HJURP: variants seen among roughly 807,000 people sequenced by gnomAD.
The protein encoded by HJURP is 14-3-3-associated AKT substrate.
A neutral mutation model predicts 72.0 loss-of-function variants in HJURP; 49 were observed. The ratio of observed to expected loss-of-function variants is 0.68; its 90% CI spans 0.54 to 0.86. HJURP has a LOEUF of 0.86. Ranked by LOEUF, HJURP falls within the 40% of genes least tolerant of loss-of-function variation. The probability of loss-of-function intolerance (pLI) is 0.00; values close to 1 mark genes in which losing one functional copy is unlikely to be tolerated. For missense variants in HJURP, 908 were observed against 936.3 expected, an observed-to-expected ratio of 0.97 and a Z score of 0.39; for synonymous variants, 357 against 347.1, an observed-to-expected ratio of 1.03 and a Z score of -0.32.
chr2:233,847,339 G>T, intron 5 of HJURP, 58 bp downstream of exon 5: 1 of 1,349,080 alleles, frequency 7.4e-7, no homozygotes, highest in Non-Finnish European at 1.1e-6. Context: ...GGGCTTTGAT[G>T]GACCCCTGAG....
intron 8 of HJURP, among the ~76,000 whole-genome samples, chr2:233,839,923 TG>T (rs925189190): frequency 6.6e-6 from 1 of 152,190 alleles, no homozygotes; most frequent in African/African-American, 2.4e-5. Flanking sequence ...AGATCCTGAC[TG>T]TGGACACACA....
In HJURP at chr2:233,845,824, A is replaced by T. The variant is rs1422663732; in HGVS notation, c.403-4T>A. On this transcript the variant is annotated splice_region_variant and splice_polypyrimidine_tract_variant and intron_variant, in intron 5 of 8. Coordinates refer to ENST00000411486, the MANE Select transcript of HJURP (RefSeq NM_018410.5). ...AAGGGCTTTGAGGCACTGCAGGCTG[A>T]TCAAAAAAGAGAAGTCAGAATTTTT... 1.2e-6 allele frequency: 2 copies of T among 1,603,498 alleles called. No homozygotes were observed. Among genetic ancestry groups the T allele is most frequent in the Admixed American group, 1.7e-5 (1 of 58,576 alleles).
Position 233,840,614 on chromosome 2 carries a change from T to C in HJURP, c.2166A>G (p.Glu722=). The C allele has an allele frequency of 6.3e-7, 1 of 1,586,096 alleles. No homozygotes were observed. The highest frequency in any genetic ancestry group is 8.5e-7 in the Non-Finnish European group (1 of 1,170,344). The change falls in exon 8 of 9, where the codon GAA becomes GAG. Residue 722 remains glutamate, a synonymous_variant. Coordinates refer to ENST00000411486, the MANE Select transcript of HJURP (RefSeq NM_018410.5). The part of the protein sequence containing the change: ...DQGSSSQPNS[E]ERGENTSYRM... ...ACCAACAGAAACACACCTACCTCTC[T>C]TCTGAGTTGGGCTGTGAAGAGCTGC...
chr2:233,845,753 A>G lies in HJURP; in HGVS notation c.470T>C (p.Leu157Pro), dbSNP rs746033666. 7.4e-6 allele frequency: 12 copies of G among 1,610,890 alleles called. No homozygotes were observed. The highest frequency in any genetic ancestry group is 1.0e-5 in the Non-Finnish European group (12 of 1,177,170). The change falls in exon 6 of 9, where the codon CTG becomes CCG. Residue 157 changes from leucine to proline, a missense_variant. Physicochemically the swap from Leu to Pro is moderately conservative, Grantham distance 98. Transcript: ENST00000411486. ...CTCAAAATACTCTGCACCTTGTAGC[A>G]GTATATCCACTTGGGTCAAGTATTT... ...RRKYLTQVDILLQGAEYFECA... is the reference protein window; with the variant it reads ...RRKYLTQVDIPLQGAEYFECA...
rs578247795 is a variant in HJURP, at chr2:233,848,815, CA to C, written c.337+947del. ...GCCATGGCTCCACCTGGGGGAAGGG[CA>C]AAGGCAGCTCAAACAAACCCTCTAG... On this transcript the variant is annotated intron_variant, in intron 4 of 8. Transcript: ENST00000411486. Among the ~76,000 whole-genome samples, 482 of 152,148 alleles carry C rather than the reference CA, an allele frequency of 3.2e-3. 3 individuals are homozygous for C. Among genetic ancestry groups the C allele is most frequent in the Middle Eastern group, 0.024 (7 of 294 alleles).
rs1559494197 is a variant in HJURP, at chr2:233,837,609, T to C, written c.2215A>G (p.Met739Val). ...SYRMEEKSDF[M>V]LEKLETKSV is the part of the protein sequence containing the mutation. The stretch of plus-strand genomic sequence containing the variant: ...CTTTTAGTTTCCAATTTTTCTAGCA[T>C]GAAATCACTTTTCTCTTCCATCCTG... Residue 739 changes from methionine to valine, a missense_variant, in exon 9 of 9, where the codon ATG becomes GTG. Transcript: ENST00000411486. 2 of 1,611,404 alleles carry C rather than the reference T, an allele frequency of 1.2e-6. No individual in the cohort carries two copies. The highest frequency in any genetic ancestry group is 1.7e-6 in the Non-Finnish European group (2 of 1,178,246).
chr2:233,838,079 C>CA (rs1705123893), intron 8 of HJURP, among the ~76,000 whole-genome samples: 1 of 152,210 alleles, frequency 6.6e-6, no homozygotes, highest in South Asian at 2.1e-4. Context: ...GCCTGGCACA[C>CA]AGAGAGCACT....
Position 233,854,491 on chromosome 2 carries a change from T to A in HJURP, c.10A>T (p.Thr4Ser). 2 of 1,611,194 alleles carry A rather than the reference T, an allele frequency of 1.2e-6. No homozygotes were observed. Among genetic ancestry groups the A allele is most frequent in the Non-Finnish European group, 8.5e-7 (1 of 1,178,594 alleles). MLG[T>S]LRAMEGEDVE... The stretch of plus-strand genomic sequence containing the variant: ...TCCTCGCCCTCCATGGCGCGCAGCG[T>A]ACCCAGCATCGGACCCAGCCAGTAC... The change falls in exon 1 of 9, where the codon ACG becomes TCG. Residue 4 changes from threonine to serine, a missense_variant. By Grantham distance (58) the Thr-to-Ser change is moderately conservative. This residue lies in a region of HJURP where 299 missense variants were observed against 286.7 expected (regional missense o/e 1.04). Transcript: ENST00000411486.
Position 233,854,378 on chromosome 2 carries a change from C to T in HJURP, c.117+6G>A. 6.4e-7 allele frequency: 1 copy of T among 1,570,368 alleles called. No individual in the cohort carries two copies. Among genetic ancestry groups the T allele is most frequent in the Non-Finnish European group, 8.6e-7 (1 of 1,159,592 alleles). ...TCCCCTCCCGGCGGACCGGCGGGGG[C>T]CGCACCTTCTCTATCAGCCGCTGCA... On this transcript the variant is annotated splice_donor_region_variant and intron_variant, in intron 1 of 8. Coordinates refer to ENST00000411486, the MANE Select transcript of HJURP (RefSeq NM_018410.5).
In HJURP at chr2:233,843,518, G is replaced by A. The variant is rs114633161; in HGVS notation, c.574+687C>T. ...AACCTAACCACGAGGAAGCAATCAGGTCCAAATTCAGGGACATTCTGCAAA... is the reference window on the plus strand; with the variant it reads ...AACCTAACCACGAGGAAGCAATCAGATCCAAATTCAGGGACATTCTGCAAA... On this transcript the variant is annotated intron_variant, in intron 7 of 8. Coordinates refer to ENST00000411486, the MANE Select transcript of HJURP (RefSeq NM_018410.5). 2.2e-3 allele frequency among the ~76,000 whole-genome samples: 338 copies of A among 152,206 alleles called. 3 individuals carry two copies. Among genetic ancestry groups the A allele is most frequent in the African/African-American group, 7.1e-3 (293 of 41,516 alleles).
chr2:233,843,903 T>A (rs1465873960), intron 7 of HJURP, among the ~76,000 whole-genome samples: 2 of 152,208 alleles, frequency 1.3e-5, no homozygotes, highest in Non-Finnish European at 2.9e-5. Context: ...AACGCAGATA[T>A]GACAACATGT....
chr2:233,841,033 C>G lies in HJURP; in HGVS notation c.1747G>C (p.Glu583Gln). ...GRNRYDEIKE[E>Q]FDKLHQKYCL... Reference sequence around the variant, plus strand: ...TACTTTTGATGAAGCTTGTCAAATTCTTCTTTAATTTCATCGTAACGATTC... The same window carrying G: ...TACTTTTGATGAAGCTTGTCAAATTGTTCTTTAATTTCATCGTAACGATTC... The change falls in exon 8 of 9, where the codon GAA becomes CAA. Residue 583 changes from glutamate (E) to glutamine (Q), a missense_variant. Transcript: ENST00000411486. 6.2e-7 allele frequency: 1 copy of G among 1,614,174 alleles called. No homozygotes were observed. The highest frequency in any genetic ancestry group is 8.5e-7 in the Non-Finnish European group (1 of 1,180,020).
rs746398084 is a variant in HJURP at position 233,849,259 on chromosome 2, G to GT, written c.337+503dup. Among the ~76,000 whole-genome samples the GT allele has an allele frequency of 2.6e-5, 4 of 152,280 alleles. No homozygotes were observed. The East Asian group carries it at 7.7e-4, about 29-fold the overall frequency. ...CCACGAAGGGTCTGATGTATCTAAC[G>GT]TGAGTCTGAGCGCATCTAAATACCG... On this transcript the variant is annotated intron_variant, in intron 4 of 8. Coordinates refer to ENST00000411486, the MANE Select transcript of HJURP (RefSeq NM_018410.5).
Position 233,849,747 on chromosome 2 carries a change from C to A in HJURP, c.337+16G>T. 2 of 1,533,098 alleles carry A rather than the reference C, an allele frequency of 1.3e-6. No homozygotes were observed. Among genetic ancestry groups the A allele is most frequent in the South Asian group, 2.4e-5 (2 of 83,600 alleles). The allele number at this position is 1,533,098 out of a possible 1,614,324, so 95.0% of individuals were successfully genotyped here. The stretch of plus-strand genomic sequence containing the variant: ...GTCCCTCCTGACTTCAGTTCTCTGA[C>A]GAAGGCAACACTCACCGGCTCCCAG... On this transcript the variant is annotated intron_variant, in intron 4 of 8. Coordinates refer to ENST00000411486, the MANE Select transcript of HJURP (RefSeq NM_018410.5).
chr2:233,841,797 G>C lies in HJURP; in HGVS notation c.983C>G (p.Ser328Cys), dbSNP rs765358273. Residue 328 changes from serine (S) to cysteine (C), a missense_variant, in exon 8 of 9, where the codon TCT becomes TGT. This residue lies in a region of HJURP where 598 missense variants were observed against 619.5 expected (regional missense o/e 0.97). Transcript: ENST00000411486. ...TGCCCCTGTCCCTTTCACAGGCTCAGAGCAGGGTATGAAGTTCTCCTTGGA... is the reference window on the plus strand; with the variant it reads ...TGCCCCTGTCCCTTTCACAGGCTCACAGCAGGGTATGAAGTTCTCCTTGGA... ...RSSKENFIPC[S>C]EPVKGTGALR... 1.2e-6 allele frequency: 2 copies of C among 1,614,170 alleles called. No homozygotes were observed. Among genetic ancestry groups the C allele is most frequent in the Non-Finnish European group, 1.7e-6 (2 of 1,180,014 alleles).
Position 233,846,077 on chromosome 2 carries a change from GA to G in HJURP, c.403-258del, listed in dbSNP as rs963035017. 2.5e-3 allele frequency: 868 copies of G among 348,902 alleles called. No individual in the cohort carries two copies. Among genetic ancestry groups the G allele is most frequent in the Middle Eastern group, 4.7e-3 (6 of 1,264 alleles). The allele number at this position is 348,902 out of a possible 1,614,324, so 21.6% of individuals were successfully genotyped here. A position where few individuals can be genotyped will look rare whatever the true frequency, so the allele number is the denominator to read the frequency against. ...GTTTATGACAGCATTGCTAGACCAG[GA>G]AAAAAAAAATCTGAATATTCATAGG... On this transcript the variant is annotated intron_variant, in intron 5 of 8. Coordinates refer to ENST00000411486, the MANE Select transcript of HJURP (RefSeq NM_018410.5). The surrounding 1 kb of genome is among the most constrained non-coding windows in gnomAD (Gnocchi z 4.3).
At chr2:233,838,337 G>T (rs1229359977) in intron 8 of HJURP, among the ~76,000 whole-genome samples, 1 of 152,156 alleles carries the variant, frequency 6.6e-6, no homozygotes, top group Non-Finnish European at 1.5e-5. Context: ...CCACAATAAT[G>T]CAACCTCACA....
intron 3 of HJURP, among the ~76,000 whole-genome samples, chr2:233,850,678 G>A (rs556359053): frequency 6.6e-6 from 1 of 152,314 alleles, no homozygotes; most frequent in Non-Finnish European, 1.5e-5. Flanking sequence ...GGTAACTGAA[G>A]CCCACTTCCA....
intron 1 of HJURP, 37 bp downstream of exon 1, chr2:233,854,347 C>G (rs575737717): frequency 2.9e-5 from 42 of 1,468,824 alleles, no homozygotes; most frequent in Non-Finnish European, 3.8e-5. Flanking sequence ...CTCCGACACG[C>G]AGGCCTCCCC....
Sources: allele counts gnomAD v4.1 joint callset (sites outside exome capture counted in the v4.1 genomes callset), GRCh38; gene constraint gnomAD v4.1.1; regional missense constraint gnomAD v4.1.1; non-coding constraint Gnocchi (gnomAD v3.1); transcripts MANE v1.5; gene names NCBI Gene and HGNC (gene_info 2026-07-23, HGNC 2026-07-21).